MBD5: variants seen among roughly 807,000 people sequenced by gnomAD.
The protein encoded by MBD5 is methyl-CpG-binding domain protein 5.
MBD5 carries 13 observed loss-of-function variants against 117.3 expected under a neutral mutation model. The ratio of observed to expected loss-of-function variants is 0.11; its 90% CI spans 0.07 to 0.18. The LOEUF is 0.18. Among genes scored for constraint, MBD5 ranks in the 10% least tolerant of loss-of-function variants. The pLI, the probability that MBD5 is intolerant of heterozygous loss-of-function variation, is 1.00. For synonymous variants in MBD5, 727 were observed against 766.4 expected, an observed-to-expected ratio of 0.95 and a Z score of 0.85; for missense variants, 1,879 against 2,093.8, an observed-to-expected ratio of 0.90 and a Z score of 2.00.
chr2:148,397,873 G>A (rs572908991), intron 4 of MBD5, among the ~76,000 whole-genome samples: 103 of 148,824 alleles, frequency 6.9e-4, no homozygotes, highest in Non-Finnish European at 1.1e-3. Flanking sequence ...TCATTGTTCA[G>A]TTCCCACCTA....
At chr2:148,282,000 G>T (rs181389530) in intron 3 of MBD5, among the ~76,000 whole-genome samples, 209 of 152,200 alleles carry the variant, frequency 1.4e-3, no homozygotes, top group Non-Finnish European at 1.5e-3. Context: ...TCAGCCTTGC[G>T]TACTACTTTG....
At chr2:148,020,992 TC>T, upstream of MBD5, 1 of 150,750 alleles carries the variant, frequency 6.6e-6, no homozygotes, top group Non-Finnish European at 1.5e-5. Context: ...TTTCCTCCCC[TC>T]CCCCTCCTCC....
chr2:148,269,398 T>C (rs934744935), intron 3 of MBD5, among the ~76,000 whole-genome samples: 1 of 151,852 alleles, frequency 6.6e-6, no homozygotes, highest in African/African-American at 2.4e-5. Context: ...TCTTCTTCAA[T>C]AGAAGTATTA....
At chr2:148,477,566 T>G (rs1177307588) in intron 8 of MBD5, among the ~76,000 whole-genome samples, 1 of 151,468 alleles carries the variant, frequency 6.6e-6, no homozygotes, top group Non-Finnish European at 1.5e-5. Flanking sequence ...AGATCTAGTA[T>G]TCTCATAAAA....
intron 4 of MBD5, among the ~76,000 whole-genome samples, chr2:148,389,253 T>C (rs1405100569): frequency 1.1e-3 from 5 of 4,374 alleles, no homozygotes; most frequent in African/African-American, 6.6e-3. Flanking sequence ...AAAAAAAACA[T>C]ATATATATAT....
intron 5 of MBD5, among the ~76,000 whole-genome samples, chr2:148,461,496 G>C (rs955674414): frequency 6.6e-6 from 1 of 152,120 alleles, no homozygotes; most frequent in Admixed American, 6.6e-5. Flanking sequence ...TACTACTTGT[G>C]TTTTTGTAGA....
intron 1 of MBD5, among the ~76,000 whole-genome samples, chr2:148,149,427 T>C (rs1244454005): frequency 6.9e-6 from 1 of 144,344 alleles, no homozygotes; most frequent in Non-Finnish European, 1.5e-5. Flanking sequence ...TATAGCAGCA[T>C]GATTTATAGT....
At chr2:148,333,689 A>T (rs140848730) in intron 3 of MBD5, among the ~76,000 whole-genome samples, 2,874 of 151,986 alleles carry the variant, frequency 0.019, 32 homozygotes, top group South Asian at 0.037. Context: ...TGAAAAAAAA[A>T]AAATAAATAA....
intron 1 of MBD5, among the ~76,000 whole-genome samples, chr2:148,023,784 T>G (rs545910633): frequency 1.3e-5 from 2 of 152,030 alleles, no homozygotes; most frequent in African/African-American, 4.8e-5. Context: ...TTTTTAAACA[T>G]TTTTTTATCA....
At chr2:148,082,811 C>T (rs1215539949) in intron 1 of MBD5, among the ~76,000 whole-genome samples, 1 of 152,082 alleles carries the variant, frequency 6.6e-6, no homozygotes, top group Non-Finnish European at 1.5e-5. Context: ...TTGCTGGTGG[C>T]CTTGGAACAA....
intron 4 of MBD5, among the ~76,000 whole-genome samples, chr2:148,424,818 G>C (rs1205204954): frequency 6.6e-6 from 1 of 152,128 alleles, no homozygotes; most frequent in African/African-American, 2.4e-5. Context: ...CAGAAATAAA[G>C]ATGTTCCTTG....
At chr2:148,140,696 G>A (rs1697292442) in intron 1 of MBD5, among the ~76,000 whole-genome samples, 1 of 151,716 alleles carries the variant, frequency 6.6e-6, no homozygotes, top group Non-Finnish European at 1.5e-5. Context: ...ATAAAACATT[G>A]CTAATATATT....
At chr2:148,199,364 T>A (rs577480987) in intron 2 of MBD5, among the ~76,000 whole-genome samples, 11 of 152,192 alleles carry the variant, frequency 7.2e-5, no homozygotes, top group South Asian at 2.1e-4. Flanking sequence ...TATGGCAGAC[T>A]TTTAACAGTA....
chr2:148,214,211 T>G (rs67576946), intron 2 of MBD5, among the ~76,000 whole-genome samples: 22,994 of 152,154 alleles, frequency 0.15, 1,896 homozygotes, highest in African/African-American at 0.19. Flanking sequence ...ACGGTAATAT[T>G]TTAGGACTTG....
intron 4 of MBD5, among the ~76,000 whole-genome samples, chr2:148,409,478 G>T (rs1466115478): frequency 1.3e-5 from 2 of 151,836 alleles, no homozygotes; most frequent in Non-Finnish European, 2.9e-5. Flanking sequence ...AGGGAGGAAG[G>T]ATTGATTTTT....
rs373095610 is a variant in MBD5, at chr2:148,469,011, T to C, written c.1068T>C (p.Asp356=). Residue 356 remains aspartate, a synonymous_variant, in exon 8 of 14, where the codon GAT becomes GAC. Coordinates refer to ENST00000642680, the MANE Select transcript of MBD5 (RefSeq NM_001378120.1). ...LQKKPLTSEK[D]PLGILDPIPS... is the part of the protein sequence containing the mutation. ...AAAAGCCATTAACATCTGAGAAAGA[T>C]CCACTTGGCATTCTTGACCCTATTC... The C allele has an allele frequency of 6.2e-7, 1 of 1,613,592 alleles. No individual in the cohort carries two copies. The highest frequency in any genetic ancestry group is 8.5e-7 in the Non-Finnish European group (1 of 1,179,888).
At chr2:148,326,422 T>A (rs1468369798) in intron 3 of MBD5, among the ~76,000 whole-genome samples, 1 of 152,176 alleles carries the variant, frequency 6.6e-6, no homozygotes, top group Non-Finnish European at 1.5e-5. Flanking sequence ...ATCTGTCTAA[T>A]GTTGACAGTG....
chr2:148,414,462 A>G (rs1383043979), intron 4 of MBD5, among the ~76,000 whole-genome samples: 1 of 152,184 alleles, frequency 6.6e-6, no homozygotes, highest in African/African-American at 2.4e-5. Flanking sequence ...AGAGTTCTGT[A>G]GATTTCCATT....
intron 1 of MBD5, among the ~76,000 whole-genome samples, chr2:148,032,161 G>T (rs11896010): frequency 0.33 from 49,741 of 151,728 alleles, 8,387 homozygotes; most frequent in East Asian, 0.52. Context: ...TTTCACAAAG[G>T]GTTTGCCAGT....
Sources: gnomAD v4.1 joint callset for allele counts (sites outside exome capture counted in the v4.1 genomes callset) on GRCh38, gnomAD v4.1.1 for gene constraint, MANE v1.5 for transcripts, NCBI Gene and HGNC (gene_info 2026-07-23, HGNC 2026-07-21) for gene names.